NTRK3: variants seen among roughly 807,000 people sequenced by gnomAD.
NTRK3 encodes neurotrophic receptor tyrosine kinase 3.
Under a neutral mutation model 91.7 loss-of-function variants are expected in NTRK3, and 24 were observed. The observed-to-expected ratio is 0.26, with a 90% CI of 0.19 to 0.37. The LOEUF is 0.37. Ranked by LOEUF, NTRK3 falls within the 10% of genes least tolerant of loss-of-function variation. The pLI, the probability that NTRK3 is intolerant of heterozygous loss-of-function variation, is 1.00. For synonymous variants in NTRK3, 483 were observed against 404.0 expected (o/e 1.20, Z -2.34); for missense variants, 880 against 1,068.9 (o/e 0.82, Z 2.46).
At chr15:88,053,288 T>C (rs1451554615) in intron 13 of NTRK3, among the ~76,000 whole-genome samples, 1 of 152,064 alleles carries the variant, frequency 6.6e-6, no homozygotes, top group Non-Finnish European at 1.5e-5. Flanking sequence ...AGTTCAGAGA[T>C]TCAAAGGGCC....
chr15:87,945,729 C>G (rs1240648317), intron 14 of NTRK3, among the ~76,000 whole-genome samples: 1 of 149,638 alleles, frequency 6.7e-6, no homozygotes. Context: ...ATAAACTGCT[C>G]AGCCCTGCGA....
intron 14 of NTRK3, among the ~76,000 whole-genome samples, chr15:87,958,486 G>T (rs1420203458): frequency 6.6e-6 from 1 of 151,962 alleles, no homozygotes; most frequent in African/African-American, 2.4e-5. Flanking sequence ...CAGCCGAAAA[G>T]AACTCTTGCT....
chr15:88,105,868 C>T (rs912938086), intron 13 of NTRK3, among the ~76,000 whole-genome samples: 40 of 152,270 alleles, frequency 2.6e-4, no homozygotes, highest in African/African-American at 9.1e-4. Flanking sequence ...CTCACGTGAG[C>T]ACCATTCACG....
intron 13 of NTRK3, among the ~76,000 whole-genome samples, chr15:88,116,497 T>C (rs911831971): frequency 3.3e-5 from 5 of 152,200 alleles, no homozygotes; most frequent in African/African-American, 1.2e-4. Context: ...TCCCAGCCTA[T>C]AGACCTTTGA....
At chr15:88,161,465 C>T (rs1005839563) in intron 5 of NTRK3, among the ~76,000 whole-genome samples, 13 of 152,258 alleles carry the variant, frequency 8.5e-5, no homozygotes, top group African/African-American at 2.6e-4. Context: ...CAGGATCCTA[C>T]GATTCTTAGG....
chr15:88,206,368 A>C (rs1220520544), intron 3 of NTRK3, among the ~76,000 whole-genome samples: 117 of 128,336 alleles, frequency 9.1e-4, no homozygotes, highest in African/African-American at 3.3e-3. Context: ...AAAAACAAAC[A>C]AAAAAACAGG....
chr15:87,968,877 A>G (rs979649539), intron 14 of NTRK3, among the ~76,000 whole-genome samples: 1 of 152,230 alleles, frequency 6.6e-6, no homozygotes, highest in African/African-American at 2.4e-5. Flanking sequence ...GATTATCAAC[A>G]TGAAGCATTC....
intron 17 of NTRK3, among the ~76,000 whole-genome samples, chr15:87,886,208 C>A (rs1371571252): frequency 6.6e-6 from 1 of 151,962 alleles, no homozygotes; most frequent in Admixed American, 6.6e-5. Flanking sequence ...TTCTCAAATG[C>A]CACTGGTGAG....
intron 5 of NTRK3, among the ~76,000 whole-genome samples, chr15:88,156,603 C>A (rs2043926264): frequency 6.6e-6 from 1 of 152,122 alleles, no homozygotes; most frequent in African/African-American, 2.4e-5. Context: ...CCCTTCTCCC[C>A]ACCCTGCAAG....
intron 3 of NTRK3, among the ~76,000 whole-genome samples, chr15:88,226,662 T>C (rs979911296): frequency 6.6e-6 from 1 of 152,252 alleles, no homozygotes; most frequent in Non-Finnish European, 1.5e-5. Flanking sequence ...ACGGCCCCTA[T>C]GGCTGATGCA....
chr15:88,232,626 T>G (rs1269627789), intron 3 of NTRK3, among the ~76,000 whole-genome samples: 1 of 152,182 alleles, frequency 6.6e-6, no homozygotes, highest in Non-Finnish European at 1.5e-5. Context: ...GGAACCGGCT[T>G]CTGACAAGTT....
At position 88,255,797 on chromosome 15, in the gene NTRK3, G is replaced by T. The variant is rs934948262; in HGVS notation, c.248+109C>A. 8.7e-6 allele frequency: 8 copies of T among 921,468 alleles called. No homozygotes were observed. Among genetic ancestry groups the T allele is most frequent in the Non-Finnish European group, 1.0e-5 (7 of 683,624 alleles). The allele number at this position is 921,468 out of a possible 1,614,324, so 57.1% of individuals were successfully genotyped here. ...GCCTGACGCGCGCCCAGCGGGCGGC[G>T]GGCAGCGGCGAGCTGGGGCGGGCGG... On this transcript the variant is annotated intron_variant, in intron 3 of 18. Transcript: ENST00000394480. This position sits in a 1 kb window ranked among gnomAD's most constrained non-coding sequence, Gnocchi z 4.3.
chr15:88,105,063 C>A (rs981153451), intron 13 of NTRK3, among the ~76,000 whole-genome samples: 1 of 152,158 alleles, frequency 6.6e-6, no homozygotes, highest in Non-Finnish European at 1.5e-5. Flanking sequence ...TGTGCATGGG[C>A]TCTGATTACT....
chr15:88,169,300 T>C (rs982870319), intron 5 of NTRK3, among the ~76,000 whole-genome samples: 2 of 152,188 alleles, frequency 1.3e-5, no homozygotes, highest in Middle Eastern at 3.4e-3. Context: ...CCTTGCAGAG[T>C]GCATGGAACA....
exon 19 of NTRK3, chr15:87,864,945 G>A (rs1005749178): frequency 3.7e-5 from 8 of 216,156 alleles, no homozygotes; most frequent in East Asian, 6.8e-5. Flanking sequence ...CTCTCATTTC[G>A]AAAGCTGGGA....
intron 3 of NTRK3, among the ~76,000 whole-genome samples, chr15:88,211,266 C>T (rs1444932647): frequency 6.6e-6 from 1 of 152,212 alleles, no homozygotes; most frequent in Non-Finnish European, 1.5e-5. Flanking sequence ...AAAATATGCA[C>T]ATGCATTTGT....
At chr15:88,208,501 C>A (rs182603444) in intron 3 of NTRK3, among the ~76,000 whole-genome samples, 1 of 152,254 alleles carries the variant, frequency 6.6e-6, no homozygotes, top group East Asian at 1.9e-4. Flanking sequence ...AATGCAAATT[C>A]TGACTCATAG....
Position 88,168,805 on chromosome 15 carries a change from C to T in NTRK3, c.395+14613G>A, listed in dbSNP as rs747860552. Reference sequence around the variant, plus strand: ...TACCTGCTCCTGAGAGGCACCAGCACAGTATGGACTCAGTTTCGACAAGCA... The same window carrying T: ...TACCTGCTCCTGAGAGGCACCAGCATAGTATGGACTCAGTTTCGACAAGCA... On this transcript the variant is annotated intron_variant, in intron 5 of 18. Transcript: ENST00000394480. Among the ~76,000 whole-genome samples, 24 of 152,234 alleles carry T rather than the reference C, an allele frequency of 1.6e-4. 1 individual carries two copies. The highest frequency in any genetic ancestry group is 2.8e-4 in the Non-Finnish European group (19 of 68,044).
intron 17 of NTRK3, among the ~76,000 whole-genome samples, chr15:87,912,770 A>G (rs1471231277): frequency 6.6e-6 from 1 of 151,908 alleles, no homozygotes; most frequent in African/African-American, 2.4e-5. Flanking sequence ...ACGTTTATCA[A>G]GGTCTCTCAT....
Sources: gnomAD v4.1 joint callset for allele counts (sites outside exome capture counted in the v4.1 genomes callset) on GRCh38, gnomAD v4.1.1 for gene constraint, Gnocchi (gnomAD v3.1) non-coding constraint, MANE v1.5 for transcripts, NCBI Gene and HGNC (gene_info 2026-07-23, HGNC 2026-07-21) for gene names.